IL1RAP: variants seen among roughly 807,000 people sequenced by gnomAD.
The protein encoded by IL1RAP is interleukin-1 receptor accessory protein.
A neutral mutation model predicts 60.7 loss-of-function variants in IL1RAP; 35 were observed. The ratio of observed to expected loss-of-function variants is 0.58; its 90% CI spans 0.44 to 0.76. The LOEUF (loss-of-function observed/expected upper bound fraction) is 0.76, where lower values mean the gene tolerates loss of function less well. Among genes scored for constraint, IL1RAP ranks in the 30% least tolerant of loss-of-function variants. IL1RAP has a pLI of 0.00. For missense variants in IL1RAP, 572 were observed against 693.9 expected, an observed-to-expected ratio of 0.82 and a Z score of 1.97; for synonymous variants, 268 against 250.9, an observed-to-expected ratio of 1.07 and a Z score of -0.64.
At chr3:190,654,557 C>A (rs148958874), downstream of IL1RAP, among the ~76,000 whole-genome samples, 1 of 152,276 alleles carries the variant, frequency 6.6e-6, no homozygotes, top group African/African-American at 2.4e-5. Context: ...AACTTGAGCA[C>A]GTGTCTCTCC....
intron 3 of IL1RAP, among the ~76,000 whole-genome samples, chr3:190,590,917 G>A (rs1728886300): frequency 6.6e-6 from 1 of 152,202 alleles, no homozygotes; most frequent in Admixed American, 6.5e-5. Context: ...TTGGATTGGA[G>A]AGGAATGATT....
intron 7 of IL1RAP, 135 bp downstream of exon 7, chr3:190,623,550 C>T: frequency 4.0e-6 from 3 of 741,698 alleles, no homozygotes; most frequent in South Asian, 3.5e-5. Flanking sequence ...TGTCAGAAAC[C>T]AAAGCAGCTG....
intron 3 of IL1RAP, among the ~76,000 whole-genome samples, chr3:190,579,684 C>CA (rs1727817245): frequency 6.6e-6 from 1 of 152,106 alleles, no homozygotes; most frequent in Non-Finnish European, 1.5e-5. Context: ...AATTTTAGAA[C>CA]ATTTCATCAC....
At chr3:190,656,316 T>TAGCC (rs1268297853), downstream of IL1RAP, 1 of 1,537,134 alleles carries the variant, frequency 6.5e-7, no homozygotes, top group South Asian at 1.2e-5. Flanking sequence ...GGGCTGCAGG[T>TAGCC]AGCCCTCCAG....
At chr3:190,652,028 T>G (rs1184571078), downstream of IL1RAP, among the ~76,000 whole-genome samples, 1 of 152,122 alleles carries the variant, frequency 6.6e-6, no homozygotes. Flanking sequence ...TGCCATGACT[T>G]TAGTTAATTG....
At chr3:190,631,079 G>C (rs1427572045) in intron 9 of IL1RAP, among the ~76,000 whole-genome samples, 1 of 152,078 alleles carries the variant, frequency 6.6e-6, no homozygotes, top group Non-Finnish European at 1.5e-5. Context: ...ACTTTAGTTA[G>C]GACCCATTCA....
At chr3:190,588,315 T>C (rs1256669221) in intron 3 of IL1RAP, among the ~76,000 whole-genome samples, 9 of 152,220 alleles carry the variant, frequency 5.9e-5, no homozygotes, top group African/African-American at 2.2e-4. Context: ...AGTTTCACCA[T>C]GTTGGCCAGG....
chr3:190,550,724 A>G (rs1346960632), intron 1 of IL1RAP, among the ~76,000 whole-genome samples: 2 of 152,330 alleles, frequency 1.3e-5, no homozygotes, highest in Non-Finnish European at 2.9e-5. Context: ...GCAGCCAGAG[A>G]TTGCTGGTTG....
intron 5 of IL1RAP, among the ~76,000 whole-genome samples, chr3:190,616,603 T>G (rs1006663217): frequency 6.6e-6 from 1 of 152,234 alleles, no homozygotes; most frequent in Non-Finnish European, 1.5e-5. Context: ...CAACTTTATC[T>G]TGAATGCAAA....
intron 3 of IL1RAP, among the ~76,000 whole-genome samples, chr3:190,585,707 G>A (rs940173999): frequency 6.6e-6 from 1 of 152,056 alleles, no homozygotes; most frequent in African/African-American, 2.4e-5. Flanking sequence ...AGCTACTTGG[G>A]AGGGTGAGGT....
intron 1 of IL1RAP, among the ~76,000 whole-genome samples, chr3:190,532,839 C>T (rs1240398945): frequency 5.9e-5 from 9 of 152,190 alleles, no homozygotes. Context: ...TGAGCCAGCC[C>T]ATTTGCGTTT....
chr3:190,516,057 A>G (rs1047422289), intron 1 of IL1RAP, among the ~76,000 whole-genome samples: 2 of 152,166 alleles, frequency 1.3e-5, no homozygotes, highest in African/African-American at 2.4e-5. Flanking sequence ...ATAATTTACT[A>G]CTATCTACTG....
intron 10 of IL1RAP, 143 bp downstream of exon 10, chr3:190,644,540 G>A (rs534783114): frequency 1.2e-5 from 8 of 655,760 alleles, no homozygotes; most frequent in Admixed American, 6.5e-5. Context: ...AATTTCAACC[G>A]TTGCTATTAG....
chr3:190,528,374 G>C (rs1462869033), intron 1 of IL1RAP, among the ~76,000 whole-genome samples: 2 of 152,206 alleles, frequency 1.3e-5, no homozygotes, highest in Non-Finnish European at 2.9e-5. Context: ...CATATAATAA[G>C]AATACATAGC....
intron 3 of IL1RAP, among the ~76,000 whole-genome samples, chr3:190,567,357 G>GTAA (rs920814315): frequency 6.6e-6 from 1 of 152,152 alleles, no homozygotes; most frequent in African/African-American, 2.4e-5. Flanking sequence ...GCTAGTTATA[G>GTAA]TAATAATAAT....
intron 5 of IL1RAP, among the ~76,000 whole-genome samples, chr3:190,619,975 A>G (rs963267338): frequency 2.0e-5 from 3 of 152,190 alleles, no homozygotes; most frequent in African/African-American, 7.2e-5. Context: ...CAAAACTGTA[A>G]CTTTGCTTTA....
rs114734590 is a variant in IL1RAP at position 190,627,200 on chromosome 3, G to C, written c.776-123G>C. 6.1e-3 allele frequency: 4,595 copies of C among 757,826 alleles called. 153 individuals carry two copies. The African/African-American group carries it at 0.071, about 12-fold the overall frequency. 46.9% of individuals were successfully genotyped at this position (757,826 alleles called of 1,614,324 possible). A position where few individuals can be genotyped will look rare whatever the true frequency, so the allele number is the denominator to read the frequency against. On this transcript the variant is annotated intron_variant, in intron 7 of 11. Transcript: ENST00000447382. ...GTAGCTTCTGATTAGCCAGAGAGTA[G>C]AACCAATATAGCCATGTGAAGGATA... is the stretch of plus-strand genomic sequence containing the variant.
chr3:190,656,700 G>GA (rs1734631919), exon 12 of IL1RAP: 1 of 712,172 alleles, frequency 1.4e-6, no homozygotes, highest in African/African-American at 1.8e-5. Context: ...TCATCTAATG[G>GA]ACTATCAGAT....
chr3:190,568,886 G>A (rs995899594), intron 3 of IL1RAP, among the ~76,000 whole-genome samples: 5 of 152,158 alleles, frequency 3.3e-5, no homozygotes, highest in African/African-American at 1.2e-4. Context: ...AGAATCCAGG[G>A]TTAGTAAGAG....
Sources: allele counts gnomAD v4.1 joint callset (sites outside exome capture counted in the v4.1 genomes callset), GRCh38; gene constraint gnomAD v4.1.1; transcripts MANE v1.5; gene names NCBI Gene and HGNC (gene_info 2026-07-23, HGNC 2026-07-21).